Variants in CDIP1 observed in about 807,000 individuals in gnomAD.
The protein encoded by CDIP1 is cell death-inducing p53-target protein 1.
In CDIP1, 9 loss-of-function variants were observed where a neutral mutation model predicts 17.7. The observed-to-expected ratio is 0.51, with a 90% confidence interval of 0.31 to 0.89. The LOEUF (loss-of-function observed/expected upper bound fraction) is 0.89. Ranked by LOEUF, CDIP1 falls within the 40% of genes least tolerant of loss-of-function variation. The pLI is 0.05. For missense variants in CDIP1, 263 were observed against 277.9 expected, an observed-to-expected ratio of 0.95 and a Z score of 0.38; for synonymous variants, 117 against 109.5, an observed-to-expected ratio of 1.07 and a Z score of -0.43.
At position 4,513,758 on chromosome 16, in the gene CDIP1, G is replaced by C. The variant is rs1182838842; in HGVS notation, c.179C>G (p.Pro60Arg). 3.1e-6 allele frequency: 5 copies of C among 1,613,080 alleles called. No individual in the cohort carries two copies. Among genetic ancestry groups the C allele is most frequent in the Non-Finnish European group, 4.2e-6 (5 of 1,179,364 alleles). Residue 60 changes from proline (P) to arginine (R), a missense_variant, in exon 4 of 6, where the codon CCA (proline) becomes CGA (arginine). Coordinates refer to ENST00000567695, the MANE Select transcript of CDIP1 (RefSeq NM_013399.3). This position sits in a 1 kb window ranked among gnomAD's most constrained non-coding sequence, Gnocchi z 4.1. ...GPPPYEPPGH[P>R]MPQPGFIPPH... ...TGGGATGAAGCCAGGCTGGGGCATT[G>C]GGTGACCCGGCGGCTCATAGGGTGG...
intron 1 of CDIP1, among the ~76,000 whole-genome samples, chr16:4,529,198 C>T (rs1009232902): frequency 2.2e-4 from 34 of 152,112 alleles, no homozygotes; most frequent in Admixed American, 1.6e-3. Flanking sequence ...GATCACCTCC[C>T]GGTACTCCAG....
chr16:4,537,477 G>A (rs955802251), intron 1 of CDIP1, among the ~76,000 whole-genome samples: 1 of 152,204 alleles, frequency 6.6e-6, no homozygotes, highest in Admixed American at 6.5e-5. Flanking sequence ...AAAGAACCCA[G>A]GAGAGCAGTA....
chr16:4,513,872 AGAG>A lies in CDIP1; in HGVS notation c.86-24_86-22del. ...ACGGCCTGGACAGAGAGAGGCAGAA[AGAG>A]GAGACTGAGCTGGAGCCTCTGCACG... On this transcript the variant is annotated intron_variant, in intron 3 of 5. Transcript: ENST00000567695. This position sits in a 1 kb window ranked among gnomAD's most constrained non-coding sequence, Gnocchi z 4.1. 6.5e-7 allele frequency: 1 copy of A among 1,542,764 alleles called. No homozygotes were observed. Among genetic ancestry groups the A allele is most frequent in the Non-Finnish European group, 8.7e-7 (1 of 1,147,152 alleles).
rs555127212 is a variant in CDIP1, at chr16:4,511,912, A to C, written c.*660T>G. 7 of 153,862 alleles carry C rather than the reference A, an allele frequency of 4.5e-5. No individual in the cohort carries two copies. The highest frequency in any genetic ancestry group is 1.7e-4 in the African/African-American group (7 of 41,448). 9.5% of individuals were successfully genotyped at this position (153,862 alleles called of 1,614,324 possible). Reference sequence around the variant, plus strand: ...AGGGTCTGATCATTCACCCAGGTACAGTGTCCTCTCTACCTGACACCAGGC... The same window carrying C: ...AGGGTCTGATCATTCACCCAGGTACCGTGTCCTCTCTACCTGACACCAGGC... On this transcript the variant is annotated 3_prime_UTR_variant, in exon 6 of 6. Coordinates refer to ENST00000567695, the MANE Select transcript of CDIP1 (RefSeq NM_013399.3).
At chr16:4,521,913 G>A (rs1282554143) in intron 1 of CDIP1, among the ~76,000 whole-genome samples, 1 of 152,146 alleles carries the variant, frequency 6.6e-6, no homozygotes, top group African/African-American at 2.4e-5. Flanking sequence ...GCTGGGCCTA[G>A]CACACAATGA....
intron 1 of CDIP1, among the ~76,000 whole-genome samples, chr16:4,530,648 C>CAA (rs71139637): frequency 9.8e-4 from 141 of 143,848 alleles, no homozygotes; most frequent in Non-Finnish European, 1.2e-3. Context: ...GACTCCATCT[C>CAA]AAAAAAAAAA....
chr16:4,517,631 C>T (rs1396016101), intron 1 of CDIP1, among the ~76,000 whole-genome samples: 2 of 152,174 alleles, frequency 1.3e-5, no homozygotes, highest in East Asian at 3.9e-4. Context: ...GTCCCAGCTA[C>T]TGGGGAGGCT....
intron 1 of CDIP1, among the ~76,000 whole-genome samples, chr16:4,515,437 C>A (rs1020604665): frequency 6.6e-6 from 1 of 152,018 alleles, no homozygotes; most frequent in Non-Finnish European, 1.5e-5. Context: ...GATATGACAC[C>A]AAAAGCAAAG....
At chr16:4,516,785 G>A (rs1202012627) in intron 1 of CDIP1, among the ~76,000 whole-genome samples, 1 of 135,008 alleles carries the variant, frequency 7.4e-6, no homozygotes, top group East Asian at 2.2e-4. Context: ...CTGGCTCACT[G>A]CAACGTCTGC....
chr16:4,536,082 T>C (rs2059103699), intron 1 of CDIP1, among the ~76,000 whole-genome samples: 2 of 152,212 alleles, frequency 1.3e-5, no homozygotes, highest in Non-Finnish European at 1.5e-5. Flanking sequence ...GCCTGCCACC[T>C]TCTCACCAGC....
At chr16:4,526,572 C>T (rs758797663) in intron 1 of CDIP1, among the ~76,000 whole-genome samples, 2 of 151,504 alleles carry the variant, frequency 1.3e-5, no homozygotes, top group African/African-American at 2.4e-5. Context: ...TGATGGCGGG[C>T]GCCTGCAGTC....
At chr16:4,528,707 G>C (rs1409061099) in intron 1 of CDIP1, among the ~76,000 whole-genome samples, 1 of 59,880 alleles carries the variant, frequency 1.7e-5, no homozygotes, top group Admixed American at 1.5e-4. Flanking sequence ...AAAAAAAAAA[G>C]GCTGGCCGCG....
chr16:4,517,833 G>A (rs1261907285), intron 1 of CDIP1, among the ~76,000 whole-genome samples: 2 of 152,056 alleles, frequency 1.3e-5, no homozygotes, highest in Non-Finnish European at 2.9e-5. Flanking sequence ...CTCCTAGCCT[G>A]CCAGGTGCCC....
At chr16:4,516,698 C>CTTTTTTTTTTTTTTTTTTTTTTTTTTTT (rs767463500) in intron 1 of CDIP1, among the ~76,000 whole-genome samples, 2 of 78,056 alleles carry the variant, frequency 2.6e-5, no homozygotes, top group African/African-American at 5.2e-5. Context: ...GTTTTAAATC[C>CTTTTTTTTTTTTTTTTTTTTTTTTTTTT]TTTTTTTTTT....
At chr16:4,532,025 G>A (rs2059061600) in intron 1 of CDIP1, among the ~76,000 whole-genome samples, 2 of 152,212 alleles carry the variant, frequency 1.3e-5, no homozygotes. Flanking sequence ...GGCAATTCAA[G>A]GACTTTAGAG....
rs566945466 is a variant in CDIP1, at chr16:4,511,885, C to G, written c.*687G>C. On this transcript the variant is annotated 3_prime_UTR_variant, in exon 6 of 6. Coordinates refer to ENST00000567695, the MANE Select transcript of CDIP1 (RefSeq NM_013399.3). ...AAAGGGACAAGTTCCTTCTTAGCTA[C>G]CAGGGTCTGATCATTCACCCAGGTA... 3.9e-5 allele frequency: 6 copies of G among 153,042 alleles called. No homozygotes were observed. Among genetic ancestry groups the G allele is most frequent in the African/African-American group, 1.4e-4 (6 of 41,548 alleles). 9.5% of individuals were successfully genotyped at this position (153,042 alleles called of 1,614,324 possible). A position where few individuals can be genotyped will look rare whatever the true frequency, so the allele number is the denominator to read the frequency against.
At chr16:4,534,422 A>C (rs1263476809) in intron 1 of CDIP1, among the ~76,000 whole-genome samples, 1 of 152,222 alleles carries the variant, frequency 6.6e-6, no homozygotes, top group Non-Finnish European at 1.5e-5. Flanking sequence ...CAGTGATCAC[A>C]ATGGGGCTGG....
chr16:4,519,315 G>A (rs926054226), intron 1 of CDIP1, among the ~76,000 whole-genome samples: 2 of 152,190 alleles, frequency 1.3e-5, no homozygotes, highest in Admixed American at 6.5e-5. Flanking sequence ...GTTCTGCAGC[G>A]GACACCAGGT....
At chr16:4,528,645 C>T (rs778635037) in intron 1 of CDIP1, among the ~76,000 whole-genome samples, 75 of 139,414 alleles carry the variant, frequency 5.4e-4, no homozygotes, top group African/African-American at 1.7e-3. Flanking sequence ...TGCACCGCTG[C>T]ACTCTAGCAT....
Sources: allele counts gnomAD v4.1 joint callset (sites outside exome capture counted in the v4.1 genomes callset), GRCh38; gene constraint gnomAD v4.1.1; non-coding constraint Gnocchi (gnomAD v3.1); transcripts MANE v1.5; gene names NCBI Gene and HGNC (gene_info 2026-07-23, HGNC 2026-07-21).